Variants in GTF2A1L observed in about 807,000 individuals in gnomAD.
The protein encoded by GTF2A1L is general transcription factor IIA subunit 1 like, also known as TFIIA-alpha and beta-like factor.
In GTF2A1L, 48 loss-of-function variants were observed where a neutral mutation model predicts 49.7. That is an observed-to-expected ratio of 0.97 (90% CI 0.77 to 1.23). GTF2A1L has a LOEUF of 1.23. GTF2A1L is among the 50% of genes most tolerant of loss of function. GTF2A1L has a pLI of 0.00. For missense variants in GTF2A1L, 736 were observed against 564.8 expected, an observed-to-expected ratio of 1.30 and a Z score of -3.07; for synonymous variants, 246 against 193.5, an observed-to-expected ratio of 1.27 and a Z score of -2.25.
chr2:48,673,184 T>C (rs1439381612), intron 8 of GTF2A1L, among the ~76,000 whole-genome samples: 1 of 152,158 alleles, frequency 6.6e-6, no homozygotes, highest in Non-Finnish European at 1.5e-5. Context: ...CACATTTTCT[T>C]TTTCCGTTTG....
intron 4 of GTF2A1L, among the ~76,000 whole-genome samples, chr2:48,643,893 T>A (rs1332992795): frequency 6.7e-6 from 1 of 149,914 alleles, no homozygotes. Context: ...GAGATGGGGT[T>A]TCACCATGTT....
chr2:48,618,222 A>G (rs1203435974), intron 1 of GTF2A1L: 3 of 316,580 alleles, frequency 9.5e-6, no homozygotes, highest in East Asian at 5.3e-5. Context: ...AAAACCTCCA[A>G]GTTCGGTTGT....
chr2:48,645,564 G>A (rs997935053), intron 5 of GTF2A1L, among the ~76,000 whole-genome samples: 1 of 152,170 alleles, frequency 6.6e-6, no homozygotes, highest in East Asian at 1.9e-4. Flanking sequence ...GCTTTTCCGA[G>A]CACCATCTCT....
chr2:48,654,542 C>T (rs1678061358), intron 6 of GTF2A1L, among the ~76,000 whole-genome samples: 1 of 152,156 alleles, frequency 6.6e-6, no homozygotes, highest in Admixed American at 6.5e-5. Context: ...ACCACCATGC[C>T]TGGCTAATTT....
intron 3 of GTF2A1L, among the ~76,000 whole-genome samples, chr2:48,642,007 T>C (rs371426633): frequency 1.6e-4 from 24 of 152,354 alleles, no homozygotes; most frequent in African/African-American, 5.5e-4. Flanking sequence ...GTTGAACCTA[T>C]ACAATTTAGA....
intron 1 of GTF2A1L, among the ~76,000 whole-genome samples, chr2:48,620,414 G>T (rs954231093): frequency 6.6e-6 from 1 of 152,170 alleles, no homozygotes; most frequent in African/African-American, 2.4e-5. Context: ...AAGTTTTAAT[G>T]GTGACTTCAC....
At chr2:48,666,412 T>G (rs1363744679) in intron 6 of GTF2A1L, among the ~76,000 whole-genome samples, 1 of 152,158 alleles carries the variant, frequency 6.6e-6, no homozygotes, top group African/African-American at 2.4e-5. Context: ...GGTTTCACCA[T>G]ATTGACCAGA....
chr2:48,633,160 T>G, intron 3 of GTF2A1L: 1 of 230,026 alleles, frequency 4.3e-6, no homozygotes, highest in Non-Finnish European at 9.5e-6. Context: ...ACATAAGTGA[T>G]TAATGTGCTT....
At chr2:48,672,267 C>G (rs146132058) in intron 8 of GTF2A1L, among the ~76,000 whole-genome samples, 30 of 152,226 alleles carry the variant, frequency 2.0e-4, no homozygotes, top group African/African-American at 6.5e-4. Context: ...ACAAGGGACA[C>G]TGAAGAGATA....
At chr2:48,622,866 C>T (rs990269372) in intron 3 of GTF2A1L, among the ~76,000 whole-genome samples, 3 of 148,770 alleles carry the variant, frequency 2.0e-5, no homozygotes, top group African/African-American at 7.4e-5. Context: ...GTGAACACTT[C>T]TAAGATTCTG....
intron 1 of GTF2A1L, among the ~76,000 whole-genome samples, chr2:48,619,412 G>A (rs1039923726): frequency 6.6e-6 from 1 of 151,426 alleles, no homozygotes; most frequent in Non-Finnish European, 1.5e-5. Flanking sequence ...AGATGTTGCA[G>A]TGGGCCCAGA....
intron 6 of GTF2A1L, among the ~76,000 whole-genome samples, chr2:48,656,496 T>C (rs1171232020): frequency 6.6e-6 from 1 of 152,056 alleles, no homozygotes; most frequent in East Asian, 1.9e-4. Context: ...ATGCATTCTT[T>C]GTAGAGAAGT....
chr2:48,635,344 T>C (rs546044975), intron 3 of GTF2A1L, among the ~76,000 whole-genome samples: 1 of 152,246 alleles, frequency 6.6e-6, no homozygotes, highest in Non-Finnish European at 1.5e-5. Context: ...GGAGTGGAGA[T>C]GACCCTTCTG....
intron 6 of GTF2A1L, among the ~76,000 whole-genome samples, chr2:48,656,985 T>A (rs886596706): frequency 6.6e-6 from 1 of 152,228 alleles, no homozygotes; most frequent in Non-Finnish European, 1.5e-5. Flanking sequence ...GTTACCCTTA[T>A]GGAAAATTGA....
In GTF2A1L at chr2:48,622,492, G is replaced by C. The variant is rs1290932938; in HGVS notation, c.247+1202G>C. Among the ~76,000 whole-genome samples the C allele has an allele frequency of 2.6e-5, 4 of 151,942 alleles. No homozygotes were observed. In the East Asian group the frequency reaches 7.7e-4, roughly 29 times the overall value. On this transcript the variant is annotated intron_variant, in intron 3 of 8. Transcript: ENST00000403751. ...GTTAATCACTGTTTTATTTATTACA[G>C]AATGCTAAAGATGTTTTTTTAACTT...
intron 6 of GTF2A1L, among the ~76,000 whole-genome samples, chr2:48,661,247 C>CT (rs70946820): frequency 0.28 from 17,428 of 62,390 alleles, 5,857 homozygotes; most frequent in East Asian, 0.46. Context: ...CATCCCCAAA[C>CT]TTTTTTTTTT....
intron 6 of GTF2A1L, among the ~76,000 whole-genome samples, chr2:48,655,811 C>G (rs1402030488): frequency 6.6e-6 from 1 of 152,076 alleles, no homozygotes; most frequent in East Asian, 1.9e-4. Flanking sequence ...AATTTTTCAT[C>G]TTCCCAAACT....
chr2:48,672,787 A>G (rs1558775130), intron 8 of GTF2A1L, among the ~76,000 whole-genome samples: 1 of 152,236 alleles, frequency 6.6e-6, no homozygotes, highest in Admixed American at 6.5e-5. Flanking sequence ...TATAATGAAC[A>G]TAGTATACAA....
intron 3 of GTF2A1L, chr2:48,633,025 T>C (rs1676670779): frequency 8.2e-6 from 2 of 242,634 alleles, no homozygotes; most frequent in Middle Eastern, 7.8e-4. Flanking sequence ...TCATAAAAGG[T>C]TTTACTGTTT....
Sources: allele counts gnomAD v4.1 joint callset (sites outside exome capture counted in the v4.1 genomes callset), GRCh38; gene constraint gnomAD v4.1.1; transcripts MANE v1.5; gene names NCBI Gene and HGNC (gene_info 2026-07-23, HGNC 2026-07-21).